The following LIMK2 variants were observed in gnomAD, a reference collection of about 807,000 sequenced individuals.
The protein encoded by LIMK2 is LIM domain kinase 2.
LIMK2 carries 35 observed loss-of-function variants against 75.7 expected under a neutral mutation model. The observed-to-expected ratio is 0.46, with a 90% CI of 0.35 to 0.61. The LOEUF (loss-of-function observed/expected upper bound fraction) is 0.61, where lower values mean the gene tolerates loss of function less well. Ranked by LOEUF, LIMK2 falls within the 20% of genes least tolerant of loss-of-function variation. The probability of loss-of-function intolerance (pLI) is 0.00; values close to 1 mark genes in which losing one functional copy is unlikely to be tolerated. For synonymous variants in LIMK2, 301 were observed against 319.2 expected, an observed-to-expected ratio of 0.94 and a Z score of 0.61; for missense variants, 623 against 831.0, an observed-to-expected ratio of 0.75 and a Z score of 3.08.
chr22:31,241,177 T>C (rs561711959), intron 2 of LIMK2, among the ~76,000 whole-genome samples: 98 of 152,252 alleles, frequency 6.4e-4, no homozygotes, highest in Non-Finnish European at 7.5e-4. Context: ...TTCAACAAGC[T>C]GACCAGAGGG....
Position 31,275,165 on chromosome 22 carries a change from G to C in LIMK2, c.1629G>C (p.Val543=). ...TTACCCTACAGATCATTGGGCAGGT[G>C]TATGCAGATCCTGACTGCCTTCCCC... ...GIVLCEIIGQ[V]YADPDCLPRT... Residue 543 remains valine (V), a synonymous_variant, in exon 15 of 16, where the codon GTG becomes GTC. Transcript: ENST00000331728. 1.2e-6 allele frequency: 2 copies of C among 1,614,206 alleles called. No homozygotes were observed. The highest frequency in any genetic ancestry group is 1.7e-6 in the Non-Finnish European group (2 of 1,180,020).
chr22:31,275,076 C>T lies in LIMK2; in HGVS notation c.1615-75C>T, dbSNP rs2048999515. 11 of 1,439,542 alleles carry T rather than the reference C, an allele frequency of 7.6e-6. No individual in the cohort carries two copies. The South Asian group carries it at 1.3e-4, about 17-fold the overall frequency. The allele number at this position is 1,439,542 out of a possible 1,614,324, so 89.2% of individuals were successfully genotyped here. On this transcript the variant is annotated intron_variant, in intron 14 of 15. Transcript: ENST00000331728. Reference sequence around the variant, plus strand: ...TTCTGCCATTCTTCCTGTCCACATCCCAGCATCCCTTTCCCTTGCCAAGTA... The same window carrying T: ...TTCTGCCATTCTTCCTGTCCACATCTCAGCATCCCTTTCCCTTGCCAAGTA...
intron 2 of LIMK2, among the ~76,000 whole-genome samples, chr22:31,242,379 G>A (rs963852378): frequency 6.6e-6 from 1 of 152,112 alleles, no homozygotes; most frequent in Non-Finnish European, 1.5e-5. Context: ...TGAAAACTGG[G>A]CCAGTTAGCT....
intron 15 of LIMK2, among the ~76,000 whole-genome samples, chr22:31,275,949 A>C (rs2049009515): frequency 6.6e-6 from 1 of 152,148 alleles, no homozygotes; most frequent in Admixed American, 6.5e-5. Context: ...AAAAAACGAG[A>C]ATCTGGCTGG....
Position 31,271,170 on chromosome 22 carries a change from ATCTGAAC to A in LIMK2, c.1355_1361del (p.Leu452ArgfsTer23). The A allele has an allele frequency of 6.2e-7, 1 of 1,613,922 alleles. No individual in the cohort carries two copies. Among genetic ancestry groups the A allele is most frequent in the Non-Finnish European group, 8.5e-7 (1 of 1,179,946 alleles). ...CACTCTATGTGCATCATCCACCGGG[ATCTGAAC>A]TCGCACAACTGCCTCATCAAGTTGG... On this transcript the variant is annotated frameshift_variant, in exon 12 of 16. Coordinates refer to ENST00000331728, the MANE Select transcript of LIMK2 (RefSeq NM_005569.4). LOFTEE classifies it high-confidence loss of function.
rs117906779 is a variant in LIMK2, at chr22:31,219,904, G to A, written c.17-5816G>A. Among the ~76,000 whole-genome samples, 1,233 of 152,280 alleles carry A rather than the reference G, an allele frequency of 8.1e-3. 4 individuals are homozygous for A. Among genetic ancestry groups the A allele is most frequent in the Non-Finnish European group, 0.012 (823 of 68,018 alleles). On this transcript the variant is annotated intron_variant, in intron 1 of 15. Coordinates refer to ENST00000331728, the MANE Select transcript of LIMK2 (RefSeq NM_005569.4). ...GGACTCTTAACAATCAGTAGCCACTGTTGATAAGTCTGCAAATATGAGAGG... is the reference window on the plus strand; with the variant it reads ...GGACTCTTAACAATCAGTAGCCACTATTGATAAGTCTGCAAATATGAGAGG...
intron 14 of LIMK2, among the ~76,000 whole-genome samples, chr22:31,273,995 G>A (rs958390152): frequency 6.6e-6 from 1 of 150,864 alleles, no homozygotes; most frequent in African/African-American, 2.4e-5. Context: ...TACCTCGCCC[G>A]GCCAGGTTTT....
chr22:31,220,978 T>C (rs986627849), intron 1 of LIMK2, among the ~76,000 whole-genome samples: 1 of 152,110 alleles, frequency 6.6e-6, no homozygotes. Flanking sequence ...AAAAAAAATT[T>C]TTTTTTTGAT....
At chr22:31,277,223 C>T in intron 15 of LIMK2, 1 of 1,594,260 alleles carries the variant, frequency 6.3e-7, no homozygotes, top group Non-Finnish European at 8.6e-7. Flanking sequence ...ACCGGGGGAC[C>T]CTGCGGCCAG....
intron 1 of LIMK2, among the ~76,000 whole-genome samples, chr22:31,216,240 G>C (rs1358218269): frequency 6.6e-6 from 1 of 152,202 alleles, no homozygotes; most frequent in African/African-American, 2.4e-5. Flanking sequence ...TAGGCTTAAA[G>C]AAGGTGGGGA....
intron 15 of LIMK2, chr22:31,277,688 C>A: frequency 2.8e-6 from 1 of 358,372 alleles, no homozygotes; most frequent in Non-Finnish European, 3.9e-6. Flanking sequence ...TGGGTTACAG[C>A]AGCGAACAAA....
At chr22:31,232,236 C>T (rs2048535370) in intron 2 of LIMK2, among the ~76,000 whole-genome samples, 1 of 144,400 alleles carries the variant, frequency 6.9e-6, no homozygotes, top group Non-Finnish European at 1.5e-5. Flanking sequence ...GTCTGCTTTC[C>T]ACTAGGACTC....
At chr22:31,264,236 G>A (rs917995082) in intron 7 of LIMK2, among the ~76,000 whole-genome samples, 2 of 152,154 alleles carry the variant, frequency 1.3e-5, no homozygotes, top group African/African-American at 2.4e-5. Context: ...GGTATCTGTA[G>A]AGCCACCATG....
chr22:31,276,461 GCAGCCC>G (rs2049017685), intron 15 of LIMK2, among the ~76,000 whole-genome samples: 1 of 149,198 alleles, frequency 6.7e-6, no homozygotes, highest in Non-Finnish European at 1.5e-5. Context: ...TTCGGCGGCG[GCAGCCC>G]CGGCGGCGGC....
chr22:31,227,167 T>C (rs1370921840), intron 2 of LIMK2, among the ~76,000 whole-genome samples: 2 of 152,258 alleles, frequency 1.3e-5, no homozygotes, highest in East Asian at 3.9e-4. Flanking sequence ...CAACGTAAAA[T>C]AGTTGAAATT....
chr22:31,265,051 G>T (rs920738050), intron 7 of LIMK2, among the ~76,000 whole-genome samples: 4 of 151,736 alleles, frequency 2.6e-5, no homozygotes, highest in African/African-American at 7.3e-5. Flanking sequence ...AAAATTATTC[G>T]GTTGTGGTGG....
rs2048850309 is a variant in LIMK2, at chr22:31,262,439, G to A, written c.658-156G>A. On this transcript the variant is annotated intron_variant, in intron 6 of 15. Transcript: ENST00000331728. This position sits in a 1 kb window ranked among gnomAD's most constrained non-coding sequence, Gnocchi z 5.0. ...GGTTGATGGACGGGAGAGCTGACAGGATGCCAGGCAGAGGGCACTGTGAGG... is the reference window on the plus strand; with the variant it reads ...GGTTGATGGACGGGAGAGCTGACAGAATGCCAGGCAGAGGGCACTGTGAGG... Among the ~76,000 whole-genome samples the A allele has an allele frequency of 6.6e-6, 1 of 152,188 alleles. No homozygotes were observed. Among genetic ancestry groups the A allele is most frequent in the Non-Finnish European group, 1.5e-5 (1 of 68,038 alleles).
intron 2 of LIMK2, among the ~76,000 whole-genome samples, chr22:31,253,748 T>C (rs537870290): frequency 6.6e-6 from 1 of 152,364 alleles, no homozygotes; most frequent in East Asian, 1.9e-4. Context: ...TAACTCTGCT[T>C]TTCAGTCTTC....
rs548043103 is a variant in LIMK2, at chr22:31,266,162, T to C, written c.1041+30T>C. 17 of 1,608,806 alleles carry C rather than the reference T, an allele frequency of 1.1e-5. No individual in the cohort carries two copies. In the East Asian group the frequency reaches 3.8e-4, roughly 36 times the overall value. ...GCGCAGGCAACAATTGCTTTGCTCT[T>C]CTGCCCCCAGTCCCTCTGTCACTGT... On this transcript the variant is annotated intron_variant, in intron 8 of 15. Coordinates refer to ENST00000331728, the MANE Select transcript of LIMK2 (RefSeq NM_005569.4).
Sources: allele counts gnomAD v4.1 joint callset (sites outside exome capture counted in the v4.1 genomes callset), GRCh38; gene constraint gnomAD v4.1.1; non-coding constraint Gnocchi (gnomAD v3.1); transcripts MANE v1.5; gene names NCBI Gene and HGNC (gene_info 2026-07-23, HGNC 2026-07-21).